The following NUTF2 variants were observed in gnomAD, a reference collection of about 807,000 sequenced individuals.
The protein encoded by NUTF2 is nuclear transport factor 2.
Under a neutral mutation model 18.5 loss-of-function variants are expected in NUTF2, and 3 were observed. That is an observed-to-expected ratio of 0.16 (90% confidence interval 0.07 to 0.42). The LOEUF is 0.42. NUTF2 is among the 10% of genes least tolerant of loss of function. The pLI is 0.99. For missense variants in NUTF2, 44 were observed against 160.7 expected (o/e 0.27, Z 3.93); for synonymous variants, 51 against 57.9 (o/e 0.88, Z 0.54).
chr16:67,863,380 G>A (rs1598166433), intron 1 of NUTF2, among the ~76,000 whole-genome samples: 1 of 152,118 alleles, frequency 6.6e-6, no homozygotes, highest in Admixed American at 6.5e-5. Flanking sequence ...CTAAAATAAA[G>A]CTGGCTTAGC....
chr16:67,868,659 C>T, intron 4 of NUTF2, 60 bp downstream of exon 4: 2 of 1,464,276 alleles, frequency 1.4e-6, no homozygotes, highest in Non-Finnish European at 1.9e-6. Flanking sequence ...TCTTGTACCC[C>T]TGCTTTCCCT....
At chr16:67,855,893 G>GGC (rs1555495579) in intron 1 of NUTF2, 6 of 447,366 alleles carry the variant, frequency 1.3e-5, no homozygotes, top group African/African-American at 8.4e-5. Flanking sequence ...TTGGCGGGGG[G>GGC]GGGGGATGGG....
intron 1 of NUTF2, among the ~76,000 whole-genome samples, chr16:67,859,980 T>A (rs971576832): frequency 6.6e-5 from 10 of 150,644 alleles, no homozygotes; most frequent in East Asian, 1.9e-4. Context: ...TTTATTATTT[T>A]TTTTTTTCTT....
intron 1 of NUTF2, among the ~76,000 whole-genome samples, chr16:67,863,202 T>C (rs2057946402): frequency 6.6e-6 from 1 of 152,220 alleles, no homozygotes; most frequent in South Asian, 2.1e-4. Context: ...TCCCCACTTG[T>C]TGATTTCTTT....
At chr16:67,851,791 G>A (rs1598158401) in intron 1 of NUTF2, among the ~76,000 whole-genome samples, 1 of 152,030 alleles carries the variant, frequency 6.6e-6, no homozygotes, top group East Asian at 1.9e-4. Flanking sequence ...TGAGGTGGGT[G>A]GATTACTTGA....
chr16:67,850,261 G>C (rs932216547), intron 1 of NUTF2, among the ~76,000 whole-genome samples: 1 of 149,352 alleles, frequency 6.7e-6, no homozygotes, highest in African/African-American at 2.5e-5. Flanking sequence ...CTGGAGTGCA[G>C]TGGCGCGATC....
rs2058013985 is a variant in NUTF2 at position 67,871,612 on chromosome 16, T to C, written c.*699T>C. The C allele has an allele frequency of 6.6e-6, 1 of 152,280 alleles. No homozygotes were observed. Among genetic ancestry groups the C allele is most frequent in the Non-Finnish European group, 1.5e-5 (1 of 68,080 alleles). The allele number at this position is 152,280 out of a possible 1,614,324, so 9.4% of individuals were successfully genotyped here. On this transcript the variant is annotated 3_prime_UTR_variant, in exon 5 of 5. Coordinates refer to ENST00000219169, the MANE Select transcript of NUTF2 (RefSeq NM_005796.3). The stretch of plus-strand genomic sequence containing the variant: ...TTCTGATACCTCCTGTGACTTCTGC[T>C]CTGGGTAGGTTCAGGGCCCTAGTAG...
intron 1 of NUTF2, among the ~76,000 whole-genome samples, chr16:67,857,616 C>T (rs1175411394): frequency 6.6e-6 from 1 of 152,220 alleles, no homozygotes; most frequent in Non-Finnish European, 1.5e-5. Context: ...CTCCATACCC[C>T]ATTCATTACC....
At chr16:67,870,673 T>G in intron 4 of NUTF2, 127 bp from the exon 5 acceptor site, 1 of 752,940 alleles carries the variant, frequency 1.3e-6, no homozygotes, top group Non-Finnish European at 2.4e-6. Flanking sequence ...TTGGCTACAC[T>G]GGGATTTGAG....
chr16:67,865,548 G>A (rs1567384442), intron 2 of NUTF2, among the ~76,000 whole-genome samples: 1 of 152,128 alleles, frequency 6.6e-6, no homozygotes, highest in Non-Finnish European at 1.5e-5. Flanking sequence ...GCCCTCTGGA[G>A]GCAGCAGCCA....
At chr16:67,860,997 G>A (rs967743932) in intron 1 of NUTF2, among the ~76,000 whole-genome samples, 1 of 152,200 alleles carries the variant, frequency 6.6e-6, no homozygotes, top group Admixed American at 6.5e-5. Context: ...GTTTGGAGGT[G>A]GAAGCCCTGG....
chr16:67,852,714 T>A (rs1210712433), intron 1 of NUTF2, among the ~76,000 whole-genome samples: 1 of 151,688 alleles, frequency 6.6e-6, no homozygotes, highest in Non-Finnish European at 1.5e-5. Context: ...AGTTTCGCTC[T>A]TATTGCCCAG....
chr16:67,851,464 A>C (rs1245168745), intron 1 of NUTF2, among the ~76,000 whole-genome samples: 1 of 151,948 alleles, frequency 6.6e-6, no homozygotes, highest in African/African-American at 2.4e-5. Context: ...CTGGTGACAG[A>C]GTGAGACCCT....
In NUTF2 at chr16:67,871,387, A is replaced by T. The variant is rs576708756; in HGVS notation, c.*474A>T. On this transcript the variant is annotated 3_prime_UTR_variant, in exon 5 of 5. Coordinates refer to ENST00000219169, the MANE Select transcript of NUTF2 (RefSeq NM_005796.3). ...GCTACCCAGACCCGTTGTCTCTCTC[A>T]TGTTTCACCCTCCCACTTCTGCCCC... is the stretch of plus-strand genomic sequence containing the variant. 6.5e-6 allele frequency: 1 copy of T among 152,866 alleles called. No individual in the cohort carries two copies. The highest frequency in any genetic ancestry group is 2.4e-5 in the African/African-American group (1 of 41,414). The allele number at this position is 152,866 out of a possible 1,614,324, so 9.5% of individuals were successfully genotyped here.
chr16:67,870,944 C>G lies in NUTF2; in HGVS notation c.*31C>G. The G allele has an allele frequency of 7.0e-7, 1 of 1,425,220 alleles. No individual in the cohort carries two copies. The highest frequency in any genetic ancestry group is 9.9e-7 in the Non-Finnish European group (1 of 1,008,160). The allele number at this position is 1,425,220 out of a possible 1,614,324, so 88.3% of individuals were successfully genotyped here. On this transcript the variant is annotated 3_prime_UTR_variant, in exon 5 of 5. Coordinates refer to ENST00000219169, the MANE Select transcript of NUTF2 (RefSeq NM_005796.3). ...TCTCAGCTAGGCACTCACGCTGTTT[C>G]CTCCTCCCTCCTCTTCCCAATACTA...
intron 2 of NUTF2, among the ~76,000 whole-genome samples, chr16:67,865,824 T>G (rs2057967312): frequency 6.6e-6 from 1 of 151,714 alleles, no homozygotes; most frequent in African/African-American, 2.4e-5. Flanking sequence ...GTTCAAGTGA[T>G]TCTCCTGCCT....
At chr16:67,870,410 T>C in intron 4 of NUTF2, 1 of 181,952 alleles carries the variant, frequency 5.5e-6, no homozygotes, top group South Asian at 1.1e-4. Flanking sequence ...GTTTTCAAGA[T>C]TGTTTGCAGT....
At chr16:67,869,095 T>G (rs2057994575) in intron 4 of NUTF2, among the ~76,000 whole-genome samples, 1 of 151,780 alleles carries the variant, frequency 6.6e-6, no homozygotes, top group South Asian at 2.1e-4. Context: ...TTTTTTTTTT[T>G]TTTTTTGAGA....
chr16:67,862,266 C>A (rs1286608549), intron 1 of NUTF2, among the ~76,000 whole-genome samples: 1 of 152,140 alleles, frequency 6.6e-6, no homozygotes, highest in Non-Finnish European at 1.5e-5. Flanking sequence ...TAGGGCAAGA[C>A]CCAGCGACAT....
Sources: gnomAD v4.1 joint callset for allele counts (sites outside exome capture counted in the v4.1 genomes callset) on GRCh38, gnomAD v4.1.1 for gene constraint, MANE v1.5 for transcripts, NCBI Gene and HGNC (gene_info 2026-07-23, HGNC 2026-07-21) for gene names.